PTK7: variants seen among roughly 807,000 people sequenced by gnomAD.
PTK7 encodes protein tyrosine kinase 7 (inactive).
Under a neutral mutation model 116.6 loss-of-function variants are expected in PTK7, and 39 were observed. The ratio of observed to expected loss-of-function variants is 0.33; its 90% CI spans 0.26 to 0.44. The LOEUF (loss-of-function observed/expected upper bound fraction) is 0.44, where lower values mean the gene tolerates loss of function less well. Among genes scored for constraint, PTK7 ranks in the 20% least tolerant of loss-of-function variants. The pLI is 1.00. For missense variants in PTK7, 1,169 were observed against 1,425.6 expected (o/e 0.82, Z 2.90); for synonymous variants, 546 against 563.6 (o/e 0.97, Z 0.44).
At chr6:43,160,580 T>G in intron 19 of PTK7, 141 bp from the exon 20 acceptor site, 1 of 1,050,626 alleles carries the variant, frequency 9.5e-7, no homozygotes, top group Admixed American at 2.3e-5. Context: ...CTTTTTCCGT[T>G]GCGGGTACCC....
chr6:43,129,635 G>A lies in PTK7; in HGVS notation c.368-92G>A. 8.8e-7 allele frequency: 1 copy of A among 1,137,234 alleles called. No individual in the cohort carries two copies. The highest frequency in any genetic ancestry group is 1.5e-5 in the African/African-American group (1 of 65,844). 70.4% of individuals were successfully genotyped at this position (1,137,234 alleles called of 1,614,324 possible). On this transcript the variant is annotated intron_variant, in intron 2 of 19. Transcript: ENST00000230419. The surrounding 1 kb of genome is among the most constrained non-coding windows in gnomAD (Gnocchi z 4.5). The stretch of plus-strand genomic sequence containing the variant: ...TGTGTCTGTTGGCACAGAGCCTCGA[G>A]GTTCCACGGCTTCCTGCTTGTCCTC...
chr6:43,151,583 G>A (rs1771093101), intron 17 of PTK7, among the ~76,000 whole-genome samples: 3 of 134,644 alleles, frequency 2.2e-5, no homozygotes, highest in Non-Finnish European at 4.7e-5. Flanking sequence ...CCAGGCTGGA[G>A]TGTGGTGGCG....
chr6:43,116,296 G>A (rs925951241), intron 1 of PTK7, among the ~76,000 whole-genome samples: 11 of 152,196 alleles, frequency 7.2e-5, no homozygotes, highest in East Asian at 1.9e-4. Flanking sequence ...CTGGCCAGCC[G>A]TGAGAAGGGA....
Position 43,104,863 on chromosome 6 carries a change from A to G in PTK7, c.80-24114A>G, listed in dbSNP as rs1272157224. The stretch of plus-strand genomic sequence containing the variant: ...AGTCTCACTCTGTCGCCCAGGCTGG[A>G]GTGCAGTGGCGTGATCTCCGCTCAC... On this transcript the variant is annotated intron_variant, in intron 1 of 19. Transcript: ENST00000230419. 5.5e-5 allele frequency among the ~76,000 whole-genome samples: 7 copies of G among 126,978 alleles called. 1 individual carries two copies. Among genetic ancestry groups the G allele is most frequent in the Non-Finnish European group, 1.1e-4 (7 of 64,502 alleles). 83.3% of individuals were successfully genotyped at this position (126,978 alleles called of 152,430 possible).
intron 17 of PTK7, among the ~76,000 whole-genome samples, chr6:43,148,432 G>T (rs1770850354): frequency 6.6e-6 from 1 of 152,228 alleles, no homozygotes; most frequent in African/African-American, 2.4e-5. Context: ...ACAGATGGTT[G>T]TGGTTAACAA....
chr6:43,104,808 CTTTTT>C (rs35126838), intron 1 of PTK7, among the ~76,000 whole-genome samples: 1 of 102,846 alleles, frequency 9.7e-6, no homozygotes, highest in Non-Finnish European at 1.9e-5. Context: ...ATTAGCACAA[CTTTTT>C]TTTTTTTTTT....
rs566506948 is a variant in PTK7, at chr6:43,129,297, T to A, written c.367+33T>A. On this transcript the variant is annotated intron_variant, in intron 2 of 19. Transcript: ENST00000230419. The surrounding 1 kb of genome is among the most constrained non-coding windows in gnomAD (Gnocchi z 4.5). Reference sequence around the variant, plus strand: ...CCAGGGGGGCTGTGCCCAGTCCCCCTGTCAGACCCTCAATGACTGAGGCCT... The same window carrying A: ...CCAGGGGGGCTGTGCCCAGTCCCCCAGTCAGACCCTCAATGACTGAGGCCT... 1 of 1,612,148 alleles carries A rather than the reference T, an allele frequency of 6.2e-7. No individual in the cohort carries two copies. Among genetic ancestry groups the A allele is most frequent in the East Asian group, 2.2e-5 (1 of 44,858 alleles).
chr6:43,143,654 G>T lies in PTK7; in HGVS notation c.2251+34G>T. On this transcript the variant is annotated intron_variant, in intron 14 of 19. Coordinates refer to ENST00000230419, the MANE Select transcript of PTK7 (RefSeq NM_002821.5). The surrounding 1 kb of genome is among the most constrained non-coding windows in gnomAD (Gnocchi z 4.2). ...CCCTGGACGGGGAGGTGGTGCCCGT[G>T]TGCGGGAGCTGAGCGCCCTCCCGCG... The T allele has an allele frequency of 6.3e-7, 1 of 1,592,708 alleles. No homozygotes were observed.
intron 12 of PTK7, 43 bp from the exon 13 acceptor site, chr6:43,142,129 C>G (rs769046605): frequency 1.2e-6 from 2 of 1,612,032 alleles, no homozygotes; most frequent in South Asian, 1.1e-5. Flanking sequence ...CTGCAGCCCC[C>G]CTCCCTGCGA....
chr6:43,149,985 A>G (rs749664219), intron 17 of PTK7, among the ~76,000 whole-genome samples: 77 of 152,166 alleles, frequency 5.1e-4, no homozygotes, highest in Non-Finnish European at 8.5e-4. Context: ...GGAGGATTTT[A>G]AGAGAGCAGT....
chr6:43,129,117 G>A lies in PTK7; in HGVS notation c.220G>A (p.Asp74Asn). ...YWLLDGAPVQ[D>N]TERRFAQGSS... ...GCTGCTCGATGGGGCCCCTGTCCAGGACACGGAGCGGCGTTTCGCCCAGGG... is the reference window on the plus strand; with the variant it reads ...GCTGCTCGATGGGGCCCCTGTCCAGAACACGGAGCGGCGTTTCGCCCAGGG... The change falls in exon 2 of 20, where the codon GAC becomes AAC. Residue 74 changes from aspartate to asparagine, a missense_variant. Physicochemically the swap from Asp to Asn is conservative, Grantham distance 23. Around this residue, in one of 3 missense-constraint regions of PTK7, gnomAD observed 487 missense variants for 549.8 expected, o/e 0.89. Transcript: ENST00000230419. The surrounding 1 kb of genome is among the most constrained non-coding windows in gnomAD (Gnocchi z 4.5). 6.2e-7 allele frequency: 1 copy of A among 1,614,208 alleles called. No homozygotes were observed. The highest frequency in any genetic ancestry group is 8.5e-7 in the Non-Finnish European group (1 of 1,180,038).
At chr6:43,094,467 A>ATT (rs1297200835) in intron 1 of PTK7, among the ~76,000 whole-genome samples, 8 of 140,982 alleles carry the variant, frequency 5.7e-5, no homozygotes, top group East Asian at 2.1e-4. Context: ...TCAAAAGCAA[A>ATT]TTTTTTTTTT....
chr6:43,098,835 A>G (rs1323108232), intron 1 of PTK7, among the ~76,000 whole-genome samples: 1 of 152,260 alleles, frequency 6.6e-6, no homozygotes, highest in Non-Finnish European at 1.5e-5. Flanking sequence ...AGTCATGATG[A>G]TAAATTTCAG....
intron 1 of PTK7, among the ~76,000 whole-genome samples, chr6:43,115,516 T>C (rs1051800357): frequency 1.1e-4 from 17 of 152,110 alleles, no homozygotes; most frequent in Non-Finnish European, 2.2e-4. Flanking sequence ...CAACCATGGC[T>C]GCAGTTGATG....
intron 1 of PTK7, among the ~76,000 whole-genome samples, chr6:43,126,820 G>A (rs572269816): frequency 1.3e-5 from 2 of 152,282 alleles, no homozygotes; most frequent in African/African-American, 2.4e-5. Flanking sequence ...TCACAATGCC[G>A]GGAGGGCAGA....
At chr6:43,106,781 A>AT (rs1391366726) in intron 1 of PTK7, among the ~76,000 whole-genome samples, 1 of 148,736 alleles carries the variant, frequency 6.7e-6, no homozygotes, top group Non-Finnish European at 1.5e-5. Flanking sequence ...CACCCGGCTA[A>AT]TTTTTTGTAT....
At position 43,129,868 on chromosome 6, in the gene PTK7, C is replaced by T. The variant is rs369058531; in HGVS notation, c.470+39C>T. ...GAGGTGGGGATGAAGAGGGTTATTC[C>T]GGACAGGGATGTCTCCCCAAATCTT... On this transcript the variant is annotated intron_variant, in intron 3 of 19. Transcript: ENST00000230419. The surrounding 1 kb of genome is among the most constrained non-coding windows in gnomAD (Gnocchi z 4.5). 345 of 1,582,270 alleles carry T rather than the reference C, an allele frequency of 2.2e-4. No individual in the cohort carries two copies. The African/African-American group carries it at 2.8e-3, about 13-fold the overall frequency.
At chr6:43,160,640 G>T in intron 19 of PTK7, 81 bp from the exon 20 acceptor site, 1 of 1,548,196 alleles carries the variant, frequency 6.5e-7, no homozygotes, top group Non-Finnish European at 8.8e-7. Flanking sequence ...GTGGCTGCTT[G>T]TATAAACTGC....
intron 17 of PTK7, among the ~76,000 whole-genome samples, chr6:43,155,197 T>C (rs1196683670): frequency 6.6e-6 from 1 of 152,188 alleles, no homozygotes. Flanking sequence ...CAAATTTTTT[T>C]TTTTTTAAAG....
Sources: allele counts gnomAD v4.1 joint callset (sites outside exome capture counted in the v4.1 genomes callset), GRCh38; gene constraint gnomAD v4.1.1; regional missense constraint gnomAD v4.1.1; non-coding constraint Gnocchi (gnomAD v3.1); transcripts MANE v1.5; gene names NCBI Gene and HGNC (gene_info 2026-07-23, HGNC 2026-07-21).